The following EVC variants were observed in gnomAD, a reference collection of about 807,000 sequenced individuals.
EVC encodes evC complex member EVC.
Under a neutral mutation model 118.9 loss-of-function variants are expected in EVC, and 116 were observed. The ratio of observed to expected loss-of-function variants is 0.98; its 90% confidence interval spans 0.84 to 1.14. EVC has a LOEUF of 1.14. Ranked by LOEUF, EVC falls within the 50% of genes most tolerant of loss-of-function variation. The pLI, the probability that EVC is intolerant of heterozygous loss-of-function variation, is 0.00. For missense variants in EVC, 1,401 were observed against 1,246.4 expected (o/e 1.12, Z -1.87); for synonymous variants, 619 against 534.7 (o/e 1.16, Z -2.18).
intron 11 of EVC, among the ~76,000 whole-genome samples, chr4:5,771,700 A>G (rs1733989125): frequency 6.6e-6 from 1 of 152,208 alleles, no homozygotes; most frequent in African/African-American, 2.4e-5. Context: ...CCTGGGCACC[A>G]CAGACCTCCC....
chr4:5,784,607 T>A (rs1397894408), intron 12 of EVC, among the ~76,000 whole-genome samples: 4 of 21,710 alleles, frequency 1.8e-4, no homozygotes, highest in African/African-American at 8.7e-4. Context: ...TACACATTGA[T>A]TTTTTTTTTT....
Position 5,810,327 on chromosome 4 carries a change from TG to T in EVC, c.2783-11del. 1 of 1,605,266 alleles carries T rather than the reference TG, an allele frequency of 6.2e-7. No homozygotes were observed. On this transcript the variant is annotated splice_polypyrimidine_tract_variant and intron_variant, in intron 19 of 20. Coordinates refer to ENST00000264956, the MANE Select transcript of EVC (RefSeq NM_153717.3). ...TCACAGAGCCATGCCTGGGTTCATCTGTCCTCTACAGAGAAGCCCCTAAGGA... is the reference window on the plus strand; with the variant it reads ...TCACAGAGCCATGCCTGGGTTCATCTTCCTCTACAGAGAAGCCCCTAAGGA...
Position 5,749,873 on chromosome 4 carries a change from G to A in EVC, c.1098+1567G>A, listed in dbSNP as rs1220632168. On this transcript the variant is annotated intron_variant, in intron 8 of 20. Coordinates refer to ENST00000264956, the MANE Select transcript of EVC (RefSeq NM_153717.3). The surrounding 1 kb of genome is among the most constrained non-coding windows in gnomAD (Gnocchi z 4.4). ...GCACACCACATGCCTCTCCCAATCC[G>A]CTCTGCTCCTCCAGGTGTGATCCAC... Among the ~76,000 whole-genome samples the A allele has an allele frequency of 6.6e-6, 1 of 152,020 alleles. No homozygotes were observed. The highest frequency in any genetic ancestry group is 2.4e-5 in the African/African-American group (1 of 41,398).
rs901255355 is a variant in EVC at position 5,783,015 on chromosome 4, A to G, written c.1564-537A>G. ...AGATGTGAAGGTTGGCGAGGAGAGC[A>G]GGTGTGAAGCTTGGCTGAGTGGGGT... On this transcript the variant is annotated intron_variant, in intron 11 of 20. Coordinates refer to ENST00000264956, the MANE Select transcript of EVC (RefSeq NM_153717.3). Among the ~76,000 whole-genome samples, 3 of 152,160 alleles carry G rather than the reference A, an allele frequency of 2.0e-5. No individual in the cohort carries two copies. The East Asian group carries it at 5.8e-4, about 29-fold the overall frequency.
Position 5,757,044 on chromosome 4 carries a change from T to C in EVC, c.1563+682T>C, listed in dbSNP as rs374565025. 3.2e-4 allele frequency among the ~76,000 whole-genome samples: 49 copies of C among 152,300 alleles called. No homozygotes were observed. In the South Asian group the frequency reaches 7.3e-3, roughly 23 times the overall value. On this transcript the variant is annotated intron_variant, in intron 11 of 20. Coordinates refer to ENST00000264956, the MANE Select transcript of EVC (RefSeq NM_153717.3). ...CTGGGTCTGTGTCCTGGCTCCCCGC[T>C]TCCTCACTGCGTGACCACAGGAGCA...
chr4:5,725,277 T>C (rs1577341853), intron 2 of EVC, among the ~76,000 whole-genome samples: 1 of 152,362 alleles, frequency 6.6e-6, no homozygotes, highest in Non-Finnish European at 1.5e-5. Context: ...TTTCTGCTTC[T>C]AGCTCTTTGA....
intron 2 of EVC, among the ~76,000 whole-genome samples, chr4:5,725,963 C>G (rs551105528): frequency 2.0e-5 from 3 of 152,150 alleles, no homozygotes; most frequent in Admixed American, 2.0e-4. Context: ...TACAGAGAAA[C>G]GACAAGAACA....
chr4:5,752,575 G>A (rs150001689), intron 8 of EVC: 9 of 567,310 alleles, frequency 1.6e-5, no homozygotes, highest in Admixed American at 1.2e-4. Context: ...GGCCCTCTGG[G>A]GAGCGCTACT....
At position 5,756,384 on chromosome 4, in the gene EVC, C is replaced by T. The variant is rs1354953379; in HGVS notation, c.1563+22C>T. ...CCAGGTACATGGCCTCTGTGGGGACCAGCAGAGAAGCCCCAGGGTCTGTGT... is the reference window on the plus strand; with the variant it reads ...CCAGGTACATGGCCTCTGTGGGGACTAGCAGAGAAGCCCCAGGGTCTGTGT... On this transcript the variant is annotated intron_variant, in intron 11 of 20. Transcript: ENST00000264956. The surrounding 1 kb of genome is among the most constrained non-coding windows in gnomAD (Gnocchi z 4.2). 1 of 1,581,352 alleles carries T rather than the reference C, an allele frequency of 6.3e-7. No homozygotes were observed. The highest frequency in any genetic ancestry group is 1.8e-5 in the Admixed American group (1 of 56,644).
the EVC span, chr4:5,824,923 C>G: frequency 2.0e-6 from 2 of 985,318 alleles, no homozygotes; most frequent in East Asian, 2.3e-4. Context: ...AGGTCAACAT[C>G]TAATTTTGTT....
chr4:5,799,628 T>C (rs1440119506), intron 15 of EVC, among the ~76,000 whole-genome samples: 1 of 152,138 alleles, frequency 6.6e-6, no homozygotes, highest in African/African-American at 2.4e-5. Context: ...AGGCAGGATG[T>C]CTGTGGCTGG....
At position 5,802,005 on chromosome 4, in the gene EVC, G is replaced by T; in HGVS notation, c.2360G>T (p.Ser787Ile). 6.2e-7 allele frequency: 1 copy of T among 1,614,162 alleles called. No homozygotes were observed. Among genetic ancestry groups the T allele is most frequent in the Non-Finnish European group, 8.5e-7 (1 of 1,180,026 alleles). ...GTCTACGTGACCAGCGCTGGTGTCA[G>T]CCGCCTGGTGCAGGCGTATTACCAG... ...ESVYVTSAGVSRLVQAYYQQI... is the reference protein window; with the variant it reads ...ESVYVTSAGVIRLVQAYYQQI... Residue 787 changes from serine (S) to isoleucine (I), a missense_variant, in exon 16 of 21, where the codon AGC (serine) becomes ATC (isoleucine). Coordinates refer to ENST00000264956, the MANE Select transcript of EVC (RefSeq NM_153717.3).
chr4:5,798,076 G>A lies in EVC; in HGVS notation c.2098-510G>A, dbSNP rs1458884980. On this transcript the variant is annotated intron_variant, in intron 14 of 20. Transcript: ENST00000264956. The surrounding 1 kb of genome is among the most constrained non-coding windows in gnomAD (Gnocchi z 4.1). Reference sequence around the variant, plus strand: ...CTATCCAGGAGAGCTCCGAGGAGCAGGCAGGACTCACGGACCTCGCTACAG... The same window carrying A: ...CTATCCAGGAGAGCTCCGAGGAGCAAGCAGGACTCACGGACCTCGCTACAG... Among the ~76,000 whole-genome samples the A allele has an allele frequency of 6.6e-6, 1 of 152,130 alleles. No individual in the cohort carries two copies. The highest frequency in any genetic ancestry group is 1.5e-5 in the Non-Finnish European group (1 of 68,022).
Position 5,719,225 on chromosome 4 carries a change from A to C in EVC, c.175-23A>C. ...CAATGTTGTGTTTCTATCCACCCCC[A>C]ACTCCTGACCTTCGGGTTTTAGAAA... On this transcript the variant is annotated intron_variant, in intron 1 of 20. Transcript: ENST00000264956. The surrounding 1 kb of genome is among the most constrained non-coding windows in gnomAD (Gnocchi z 4.7). The C allele has an allele frequency of 6.2e-7, 1 of 1,614,086 alleles. No homozygotes were observed. The highest frequency in any genetic ancestry group is 8.5e-7 in the Non-Finnish European group (1 of 1,179,962).
At chr4:5,782,982 A>G (rs1214515183) in intron 11 of EVC, among the ~76,000 whole-genome samples, 3 of 151,930 alleles carry the variant, frequency 2.0e-5, no homozygotes, top group African/African-American at 7.3e-5. Flanking sequence ...AAGCTTGGCA[A>G]GGAGAGCAGA....
At chr4:5,775,837 T>C (rs1577531671) in intron 11 of EVC, among the ~76,000 whole-genome samples, 1 of 152,178 alleles carries the variant, frequency 6.6e-6, no homozygotes, top group Admixed American at 6.5e-5. Flanking sequence ...TTATATCTCA[T>C]ATAGTTGTTG....
rs183264422 is a variant in EVC at position 5,737,626 on chromosome 4, T to C, written c.703-4090T>C. On this transcript the variant is annotated intron_variant, in intron 5 of 20. Coordinates refer to ENST00000264956, the MANE Select transcript of EVC (RefSeq NM_153717.3). This position sits in a 1 kb window ranked among gnomAD's most constrained non-coding sequence, Gnocchi z 5.0. ...TAGGGCCCTTAAGGGTGATGCTAAA[T>C]CTACTCTGCCTGTGCTCTATAAGTG... Among the ~76,000 whole-genome samples the C allele has an allele frequency of 1.2e-4, 19 of 152,320 alleles. No homozygotes were observed. In the East Asian group the frequency reaches 3.7e-3, roughly 29 times the overall value.
At chr4:5,727,230 C>T (rs1163065911) in intron 2 of EVC, among the ~76,000 whole-genome samples, 2 of 152,118 alleles carry the variant, frequency 1.3e-5, no homozygotes, top group East Asian at 1.9e-4. Flanking sequence ...CTCTCCAGCA[C>T]CTGTTGTTTC....
the EVC span, chr4:5,825,302 C>G: frequency 3.0e-6 from 3 of 985,034 alleles, no homozygotes; most frequent in Non-Finnish European, 3.6e-6. The surrounding 1 kb of genome is among the most constrained non-coding windows in gnomAD (Gnocchi z 4.4). Flanking sequence ...CTAACATGGA[C>G]CCCCCTCTGC....
Sources: allele counts gnomAD v4.1 joint callset (sites outside exome capture counted in the v4.1 genomes callset), GRCh38; gene constraint gnomAD v4.1.1; non-coding constraint Gnocchi (gnomAD v3.1); transcripts MANE v1.5; gene names NCBI Gene and HGNC (gene_info 2026-07-23, HGNC 2026-07-21).